PRKN: variants seen among roughly 807,000 people sequenced by gnomAD.
The protein encoded by PRKN is parkin RBR E3 ubiquitin protein ligase.
Under a neutral mutation model 59.5 loss-of-function variants are expected in PRKN, and 56 were observed. That is an observed-to-expected ratio of 0.94 (90% CI 0.76 to 1.18). The LOEUF is 1.18. Among genes scored for constraint, PRKN ranks in the 50% most tolerant of loss-of-function variants. The pLI, the probability that PRKN is intolerant of heterozygous loss-of-function variation, is 0.00. For missense variants in PRKN, 657 were observed against 596.4 expected (o/e 1.10, Z -1.06); for synonymous variants, 250 against 222.1 (o/e 1.13, Z -1.12).
chr6:162,662,728 C>T (rs1290880790), intron 1 of PRKN, among the ~76,000 whole-genome samples: 1 of 152,052 alleles, frequency 6.6e-6, no homozygotes, highest in Non-Finnish European at 1.5e-5. Flanking sequence ...AGATCCATTG[C>T]TTATAGGTAT....
chr6:162,502,032 T>G (rs1278779044), intron 1 of PRKN, among the ~76,000 whole-genome samples: 6 of 152,092 alleles, frequency 3.9e-5, no homozygotes, highest in African/African-American at 1.4e-4. Flanking sequence ...CCAGGGTGGG[T>G]GGGCAAAATG....
intron 2 of PRKN, among the ~76,000 whole-genome samples, chr6:162,280,242 T>C (rs1029182307): frequency 1.3e-5 from 2 of 152,144 alleles, no homozygotes; most frequent in Non-Finnish European, 2.9e-5. Flanking sequence ...TGCACATTAG[T>C]TGCAGTTTCT....
intron 6 of PRKN, among the ~76,000 whole-genome samples, chr6:161,815,213 C>T (rs1458849221): frequency 6.6e-6 from 1 of 152,210 alleles, no homozygotes; most frequent in Non-Finnish European, 1.5e-5. Context: ...GCACTTACTT[C>T]TTGGACTCAA....
At chr6:161,814,354 CA>C (rs1212273999) in intron 6 of PRKN, among the ~76,000 whole-genome samples, 1 of 152,192 alleles carries the variant, frequency 6.6e-6, no homozygotes, top group African/African-American at 2.4e-5. Flanking sequence ...TCTAAAGAGA[CA>C]CAGTGTATTC....
intron 1 of PRKN, among the ~76,000 whole-genome samples, chr6:162,651,637 T>G (rs1778437278): frequency 6.6e-6 from 1 of 152,162 alleles, no homozygotes; most frequent in African/African-American, 2.4e-5. Flanking sequence ...TAGAAAGTTA[T>G]ACTGTGCTCA....
rs548544787 is a variant in PRKN, at chr6:162,374,615, TG to T, written c.171+68694del. Among the ~76,000 whole-genome samples, 602 of 152,116 alleles carry T rather than the reference TG, an allele frequency of 4.0e-3. 2 individuals are homozygous for T. Among genetic ancestry groups the T allele is most frequent in the African/African-American group, 0.014 (584 of 41,526 alleles). ...GACCCAAACTTTACTGTTGGCTTCG[TG>T]GTACTTTTAGCTATTATTATTTTCA... On this transcript the variant is annotated intron_variant, in intron 2 of 11. Transcript: ENST00000366898.
intron 2 of PRKN, among the ~76,000 whole-genome samples, chr6:162,317,040 C>T (rs144357161): frequency 0.016 from 2,497 of 151,712 alleles, 37 homozygotes; most frequent in Non-Finnish European, 0.023. Context: ...ATCTACTCAA[C>T]GGGGAGAGTA....
At chr6:162,672,003 C>A (rs1584022252) in intron 1 of PRKN, among the ~76,000 whole-genome samples, 2 of 151,814 alleles carry the variant, frequency 1.3e-5, no homozygotes, top group Non-Finnish European at 2.9e-5. Flanking sequence ...AGCAGTGGTG[C>A]CCATGAAGTA....
At chr6:162,058,027 T>C (rs1211737446) in intron 4 of PRKN, among the ~76,000 whole-genome samples, 1 of 152,224 alleles carries the variant, frequency 6.6e-6, no homozygotes. Context: ...TGCCCCTTTG[T>C]TTGTTTTAAT....
rs773741051 is a variant in PRKN at position 161,841,709 on chromosome 6, T to C, written c.735-55801A>G. Among the ~76,000 whole-genome samples the C allele has an allele frequency of 1.2e-4, 18 of 152,204 alleles. 1 individual carries two copies. The highest frequency in any genetic ancestry group is 2.1e-4 in the Non-Finnish European group (14 of 68,030). On this transcript the variant is annotated intron_variant, in intron 6 of 11. Coordinates refer to ENST00000366898, the MANE Select transcript of PRKN (RefSeq NM_004562.3). ...TCAATTTTAGCAAGATCTGGCTAAG[T>C]TGGTTTACCTTCAATATCTGATCAC...
intron 7 of PRKN, among the ~76,000 whole-genome samples, chr6:161,594,362 A>C (rs1199168813): frequency 6.6e-6 from 1 of 152,204 alleles, no homozygotes; most frequent in Non-Finnish European, 1.5e-5. Flanking sequence ...AAGGAAGGAA[A>C]GAAAGAGGGG....
intron 9 of PRKN, among the ~76,000 whole-genome samples, chr6:161,394,106 A>G (rs1023338564): frequency 1.3e-5 from 2 of 152,228 alleles, no homozygotes; most frequent in African/African-American, 2.4e-5. Flanking sequence ...TCGTTCTGAC[A>G]AGACAGTGCC....
chr6:161,835,203 CA>C (rs1792696876), intron 6 of PRKN, among the ~76,000 whole-genome samples: 1 of 152,080 alleles, frequency 6.6e-6, no homozygotes. Flanking sequence ...TTAGTATTTT[CA>C]AATAAATTAA....
At chr6:161,760,770 T>C (rs1386914906) in intron 7 of PRKN, among the ~76,000 whole-genome samples, 2 of 152,194 alleles carry the variant, frequency 1.3e-5, no homozygotes, top group Non-Finnish European at 2.9e-5. Flanking sequence ...TAAAGCTCAA[T>C]GCAAAAGAAT....
intron 6 of PRKN, among the ~76,000 whole-genome samples, chr6:161,956,325 C>G (rs557434454): frequency 2.1e-4 from 32 of 152,258 alleles, no homozygotes; most frequent in Middle Eastern, 3.4e-3. Flanking sequence ...CTGAGCCATT[C>G]AAGGGCAAAT....
chr6:162,113,106 T>A (rs547478290), intron 4 of PRKN, among the ~76,000 whole-genome samples: 32 of 152,346 alleles, frequency 2.1e-4, no homozygotes, highest in African/African-American at 7.2e-4. Flanking sequence ...ACAAATGATC[T>A]GACATCCTCC....
At position 162,111,289 on chromosome 6, in the gene PRKN, C is replaced by T. The variant is rs562180916; in HGVS notation, c.535-57115G>A. ...GACCATCCCGGCTAACACAGTGAAACCCCGTCTCTACTAAAAATACAAAAA... is the reference window on the plus strand; with the variant it reads ...GACCATCCCGGCTAACACAGTGAAATCCCGTCTCTACTAAAAATACAAAAA... On this transcript the variant is annotated intron_variant, in intron 4 of 11. Transcript: ENST00000366898. Among the ~76,000 whole-genome samples the T allele has an allele frequency of 1.4e-4, 21 of 152,144 alleles. No homozygotes were observed. In the South Asian group the frequency reaches 3.9e-3, roughly 29 times the overall value.
At chr6:162,542,202 C>A (rs1286644094) in intron 1 of PRKN, among the ~76,000 whole-genome samples, 1 of 152,146 alleles carries the variant, frequency 6.6e-6, no homozygotes. Flanking sequence ...TATTTCATCT[C>A]TTTTCCTTTG....
chr6:162,280,564 G>A (rs1408653426), intron 2 of PRKN, among the ~76,000 whole-genome samples: 1 of 152,078 alleles, frequency 6.6e-6, no homozygotes, highest in African/African-American at 2.4e-5. Context: ...GTTGAGGTGG[G>A]TGGATCACTT....
Sources: gnomAD v4.1 joint callset for allele counts (sites outside exome capture counted in the v4.1 genomes callset) on GRCh38, gnomAD v4.1.1 for gene constraint, MANE v1.5 for transcripts, NCBI Gene and HGNC (gene_info 2026-07-23, HGNC 2026-07-21) for gene names.